TRERF1: variants seen among roughly 807,000 people sequenced by gnomAD.
TRERF1 encodes transcriptional regulating factor 1, also known as transcriptional-regulating factor 1.
TRERF1 carries 27 observed loss-of-function variants against 122.9 expected under a neutral mutation model. That is an observed-to-expected ratio of 0.22 (90% CI 0.16 to 0.30). The LOEUF is 0.30. Ranked by LOEUF, TRERF1 falls within the 10% of genes least tolerant of loss-of-function variation. The pLI is 1.00. For missense variants in TRERF1, 1,248 were observed against 1,560.3 expected (o/e 0.80, Z 3.37); for synonymous variants, 636 against 641.7 (o/e 0.99, Z 0.13).
At chr6:42,378,787 C>T (rs1042743370) in intron 2 of TRERF1, among the ~76,000 whole-genome samples, 3 of 152,194 alleles carry the variant, frequency 2.0e-5, no homozygotes, top group Non-Finnish European at 2.9e-5. Flanking sequence ...TCAGCTTCCC[C>T]TCCCAACCTC....
intron 2 of TRERF1, among the ~76,000 whole-genome samples, chr6:42,398,362 A>C (rs1562133899): frequency 6.6e-6 from 1 of 152,206 alleles, no homozygotes; most frequent in Non-Finnish European, 1.5e-5. Context: ...TATGGTAATA[A>C]GGAATCCAGA....
In TRERF1 at chr6:42,265,735, G is replaced by T. The variant is rs376845598; in HGVS notation, c.1484+16C>A. 3.8e-5 allele frequency: 62 copies of T among 1,611,692 alleles called. No homozygotes were observed. The highest frequency in any genetic ancestry group is 6.7e-5 in the African/African-American group (5 of 74,808). ...CCCCGTCTCCCAAAATACCAACAAGGTTCCACTCATCCTACCTTGACTCAG... is the reference window on the plus strand; with the variant it reads ...CCCCGTCTCCCAAAATACCAACAAGTTTCCACTCATCCTACCTTGACTCAG... On this transcript the variant is annotated intron_variant, in intron 6 of 17. Coordinates refer to ENST00000372922, the Ensembl canonical transcript of TRERF1.
intron 15 of TRERF1, among the ~76,000 whole-genome samples, chr6:42,239,473 A>G (rs931763788): frequency 6.6e-6 from 1 of 151,574 alleles, no homozygotes; most frequent in Non-Finnish European, 1.5e-5. Context: ...TGCTCTGTTG[A>G]CCTCCCGGCT....
At chr6:42,336,785 T>C (rs530168876) in intron 3 of TRERF1, among the ~76,000 whole-genome samples, 1 of 152,298 alleles carries the variant, frequency 6.6e-6, no homozygotes, top group South Asian at 2.1e-4. Flanking sequence ...GCTCTGCCAC[T>C]AACACATCAG....
intron 2 of TRERF1, among the ~76,000 whole-genome samples, chr6:42,438,748 C>G (rs1257032845): frequency 2.0e-5 from 3 of 152,130 alleles, no homozygotes; most frequent in Non-Finnish European, 4.4e-5. Flanking sequence ...AATTTAAGCC[C>G]CAAAAGTGTC....
chr6:42,422,500 T>C (rs1782919144), intron 2 of TRERF1, among the ~76,000 whole-genome samples: 3 of 63,818 alleles, frequency 4.7e-5, no homozygotes, highest in Admixed American at 2.2e-4. Context: ...CCAGACCCTG[T>C]CTCCAAAAAA....
intron 4 of TRERF1, among the ~76,000 whole-genome samples, chr6:42,284,655 C>A (rs1161511185): frequency 6.6e-6 from 1 of 152,162 alleles, no homozygotes; most frequent in Non-Finnish European, 1.5e-5. Context: ...CAGCCCGTGA[C>A]TACATTTGTG....
intron 3 of TRERF1, among the ~76,000 whole-genome samples, chr6:42,334,127 C>T (rs921094164): frequency 6.6e-6 from 1 of 151,742 alleles, no homozygotes; most frequent in Non-Finnish European, 1.5e-5. Context: ...TATACATAAG[C>T]CACCCTCATG....
rs1769974751 is a variant in TRERF1 at position 42,228,932 on chromosome 6, G to A, written c.3279-263C>T. On this transcript the variant is annotated intron_variant, in intron 17 of 17. Transcript: ENST00000372922. This position sits in a 1 kb window ranked among gnomAD's most constrained non-coding sequence, Gnocchi z 4.2. The stretch of plus-strand genomic sequence containing the variant: ...GAGGAGGAATTCTCAAAGGCCTCCT[G>A]TCCACCTGGAGTCTGGAGCACAGGC... 6.6e-6 allele frequency among the ~76,000 whole-genome samples: 1 copy of A among 152,188 alleles called. No individual in the cohort carries two copies. The highest frequency in any genetic ancestry group is 1.5e-5 in the Non-Finnish European group (1 of 68,032).
At chr6:42,279,194 T>C (rs1211538144) in intron 4 of TRERF1, among the ~76,000 whole-genome samples, 1 of 152,096 alleles carries the variant, frequency 6.6e-6, no homozygotes, top group African/African-American at 2.4e-5. Context: ...GGAGGTGCAG[T>C]AGGCAGACCC....
At chr6:42,407,185 T>C (rs796257976) in intron 2 of TRERF1, among the ~76,000 whole-genome samples, 30 of 152,344 alleles carry the variant, frequency 2.0e-4, no homozygotes, top group African/African-American at 7.2e-4. Context: ...TTCAACTGCA[T>C]GGTAAATCTA....
chr6:42,328,466 T>G (rs945651415), intron 3 of TRERF1, among the ~76,000 whole-genome samples: 1 of 152,112 alleles, frequency 6.6e-6, no homozygotes, highest in Non-Finnish European at 1.5e-5. Flanking sequence ...TAGGAGGCAA[T>G]AGTTATTTTT....
At chr6:42,243,411 A>G in intron 14 of TRERF1, 50 bp from the exon 15 acceptor site, 1 of 1,266,786 alleles carries the variant, frequency 7.9e-7, no homozygotes, top group Non-Finnish European at 1.2e-6. Flanking sequence ...GCAGAGAGCA[A>G]AGGTAGCAAG....
intron 2 of TRERF1, among the ~76,000 whole-genome samples, chr6:42,417,107 A>G (rs1229815714): frequency 1.3e-5 from 2 of 152,070 alleles, no homozygotes; most frequent in Non-Finnish European, 2.9e-5. Flanking sequence ...CAGACTCACA[A>G]AAAAAGAGGA....
intron 16 of TRERF1, among the ~76,000 whole-genome samples, chr6:42,235,217 C>T (rs1193750981): frequency 6.6e-6 from 1 of 152,046 alleles, no homozygotes; most frequent in African/African-American, 2.4e-5. Flanking sequence ...CTCTGGAGAA[C>T]AGCACTGTCC....
At chr6:42,236,932 A>C (rs886591755) in intron 15 of TRERF1, among the ~76,000 whole-genome samples, 2 of 152,224 alleles carry the variant, frequency 1.3e-5, no homozygotes, top group African/African-American at 4.8e-5. Context: ...GGTGTGCAGA[A>C]AGCACGTGAC....
chr6:42,263,047 GTC>G lies in TRERF1; in HGVS notation c.1884+271_1884+272del, dbSNP rs1778506999. ...TGTTTAAACCTGGGAACACTTTCGG[GTC>G]TCTCAGAATCTAACCTAGGCCATTA... On this transcript the variant is annotated intron_variant, in intron 8 of 17. Coordinates refer to ENST00000372922, the Ensembl canonical transcript of TRERF1. The surrounding 1 kb of genome is among the most constrained non-coding windows in gnomAD (Gnocchi z 5.6). Among the ~76,000 whole-genome samples, 1 of 152,182 alleles carries G rather than the reference GTC, an allele frequency of 6.6e-6. No homozygotes were observed. The highest frequency in any genetic ancestry group is 6.5e-5 in the Admixed American group (1 of 15,288).
intron 2 of TRERF1, among the ~76,000 whole-genome samples, chr6:42,399,228 A>C (rs1779051349): frequency 1.3e-5 from 2 of 152,258 alleles, no homozygotes; most frequent in African/African-American, 2.4e-5. Context: ...AACAAAAATC[A>C]GAAGGAAGTA....
At chr6:42,253,452 G>A (rs966272676) in intron 13 of TRERF1, among the ~76,000 whole-genome samples, 1 of 152,202 alleles carries the variant, frequency 6.6e-6, no homozygotes, top group Non-Finnish European at 1.5e-5. Flanking sequence ...AGCAGATGAT[G>A]CTGGAAATTA....
Sources: gnomAD v4.1 joint callset for allele counts (sites outside exome capture counted in the v4.1 genomes callset) on GRCh38, gnomAD v4.1.1 for gene constraint, Gnocchi (gnomAD v3.1) non-coding constraint, MANE v1.5 for transcripts, NCBI Gene and HGNC (gene_info 2026-07-23, HGNC 2026-07-21) for gene names.